GRM7: variants seen among roughly 807,000 people sequenced by gnomAD.
The protein encoded by GRM7 is glutamate metabotropic receptor 7.
Under a neutral mutation model 84.5 loss-of-function variants are expected in GRM7, and 35 were observed. The observed-to-expected ratio is 0.41, with a 90% CI of 0.32 to 0.55. The LOEUF (loss-of-function observed/expected upper bound fraction) is 0.55. Ranked by LOEUF, GRM7 falls within the 20% of genes least tolerant of loss-of-function variation. GRM7 has a pLI of 0.19. For missense variants in GRM7, 1,003 were observed against 1,194.6 expected, an observed-to-expected ratio of 0.84 and a Z score of 2.36; for synonymous variants, 487 against 455.1, an observed-to-expected ratio of 1.07 and a Z score of -0.89.
intron 2 of GRM7, among the ~76,000 whole-genome samples, chr3:7,259,969 G>GTTTTT: frequency 1.1e-4 from 1 of 9,116 alleles, no homozygotes; most frequent in Non-Finnish European, 2.4e-4. Flanking sequence ...TTTTTTTGAC[G>GTTTTT]TTTTAATAAT....
intron 2 of GRM7, among the ~76,000 whole-genome samples, chr3:7,257,413 G>A (rs141584594): frequency 2.6e-4 from 40 of 152,210 alleles, no homozygotes; most frequent in African/African-American, 9.4e-4. Context: ...TTTCTGAATA[G>A]CCATTACAAT....
chr3:7,045,192 A>C (rs188324380), intron 1 of GRM7, among the ~76,000 whole-genome samples: 351 of 152,260 alleles, frequency 2.3e-3, no homozygotes, highest in African/African-American at 8.2e-3. Context: ...AATTGTACAA[A>C]ATCTCCATGG....
intron 7 of GRM7, among the ~76,000 whole-genome samples, chr3:7,496,889 A>G (rs566138187): frequency 2.8e-4 from 42 of 152,226 alleles, no homozygotes; most frequent in African/African-American, 9.4e-4. Context: ...TTAATTGGTG[A>G]AAGGATATAT....
At chr3:7,557,199 C>T (rs1274278793) in intron 7 of GRM7, among the ~76,000 whole-genome samples, 1 of 152,026 alleles carries the variant, frequency 6.6e-6, no homozygotes, top group Non-Finnish European at 1.5e-5. Flanking sequence ...TGGGCTCAAT[C>T]TGTGGGAGGT....
intron 2 of GRM7, among the ~76,000 whole-genome samples, chr3:7,268,024 A>T (rs1176388463): frequency 6.6e-6 from 1 of 152,152 alleles, no homozygotes; most frequent in African/African-American, 2.4e-5. Context: ...GAGAGAACCT[A>T]TCAGGCCTCC....
At chr3:7,345,703 C>T (rs1692859658) in intron 4 of GRM7, among the ~76,000 whole-genome samples, 1 of 152,006 alleles carries the variant, frequency 6.6e-6, no homozygotes, top group African/African-American at 2.4e-5. Context: ...ATGTGCTTGG[C>T]CAGTCACTAC....
intron 1 of GRM7, among the ~76,000 whole-genome samples, chr3:6,970,981 C>CG (rs1181647475): frequency 1.8e-4 from 16 of 90,398 alleles, no homozygotes; most frequent in African/African-American, 5.2e-4. Flanking sequence ...GACTCTGTCT[C>CG]AAAAACAAAC....
At chr3:7,095,315 C>G (rs1035208449) in intron 1 of GRM7, among the ~76,000 whole-genome samples, 4 of 152,180 alleles carry the variant, frequency 2.6e-5, no homozygotes, top group Admixed American at 1.3e-4. Flanking sequence ...TTGACTACAT[C>G]TGTAAACTCA....
chr3:7,231,462 A>AGGG (rs1372708728), intron 2 of GRM7, among the ~76,000 whole-genome samples: 129 of 152,328 alleles, frequency 8.5e-4, no homozygotes, highest in African/African-American at 2.8e-3. Context: ...ATATATACAT[A>AGGG]TATAATGTCC....
chr3:7,227,093 T>A (rs1431288064), intron 2 of GRM7, among the ~76,000 whole-genome samples: 1 of 152,220 alleles, frequency 6.6e-6, no homozygotes, highest in Non-Finnish European at 1.5e-5. Context: ...TAAATTATTT[T>A]AATATTAATT....
intron 1 of GRM7, among the ~76,000 whole-genome samples, chr3:6,869,603 G>C (rs201450627): frequency 1.2e-4 from 7 of 57,556 alleles, no homozygotes; most frequent in African/African-American, 3.4e-4. Context: ...ATCTATCTAT[G>C]GAGACAGAGA....
intron 1 of GRM7, among the ~76,000 whole-genome samples, chr3:6,964,817 T>A (rs1693450898): frequency 6.6e-6 from 1 of 152,194 alleles, no homozygotes; most frequent in African/African-American, 2.4e-5. Context: ...CCCTCCAGAT[T>A]TCTTGGTATC....
intron 4 of GRM7, among the ~76,000 whole-genome samples, chr3:7,410,047 C>A (rs1695858796): frequency 6.6e-6 from 1 of 152,130 alleles, no homozygotes; most frequent in Admixed American, 6.5e-5. Context: ...AAGCTTGTGT[C>A]CACCCTGACA....
chr3:7,185,372 A>G (rs1695481305), intron 2 of GRM7, among the ~76,000 whole-genome samples: 1 of 152,166 alleles, frequency 6.6e-6, no homozygotes, highest in African/African-American at 2.4e-5. Context: ...TATGTCCAGA[A>G]GTTCTTGTGC....
chr3:7,405,827 A>G (rs892710614), intron 4 of GRM7, among the ~76,000 whole-genome samples: 1 of 152,116 alleles, frequency 6.6e-6, no homozygotes, highest in Non-Finnish European at 1.5e-5. Flanking sequence ...AATATCACTC[A>G]TCATCTATTC....
chr3:7,339,920 G>T (rs73113712), intron 4 of GRM7, among the ~76,000 whole-genome samples: 1 of 151,996 alleles, frequency 6.6e-6, no homozygotes, highest in African/African-American at 2.4e-5. Context: ...AGTAATCCAC[G>T]GAACAATAAA....
At chr3:7,707,987 T>A (rs1353010978) in intron 9 of GRM7, among the ~76,000 whole-genome samples, 6 of 151,090 alleles carry the variant, frequency 4.0e-5, no homozygotes, top group Admixed American at 4.0e-4. Context: ...AGCCTTTTTT[T>A]AACTTCCAAA....
At chr3:7,706,519 G>C (rs960869050) in intron 9 of GRM7, among the ~76,000 whole-genome samples, 2 of 152,122 alleles carry the variant, frequency 1.3e-5, no homozygotes. Flanking sequence ...AATGAAAGCT[G>C]TTATACTAAC....
At chr3:6,874,832 A>G (rs1194820063) in intron 1 of GRM7, among the ~76,000 whole-genome samples, 1 of 152,228 alleles carries the variant, frequency 6.6e-6, no homozygotes, top group Non-Finnish European at 1.5e-5. Context: ...AGACCATTCA[A>G]GGAAAACTTA....
Sources: gnomAD v4.1 joint callset for allele counts (sites outside exome capture counted in the v4.1 genomes callset) on GRCh38, gnomAD v4.1.1 for gene constraint, MANE v1.5 for transcripts, NCBI Gene and HGNC (gene_info 2026-07-23, HGNC 2026-07-21) for gene names.